LGR5: variants seen among roughly 807,000 people sequenced by gnomAD.
LGR5 encodes leucine-rich repeat-containing G protein-coupled receptor 5.
LGR5 carries 54 observed loss-of-function variants against 76.7 expected under a neutral mutation model. The ratio of observed to expected loss-of-function variants is 0.70; its 90% CI spans 0.57 to 0.88. The LOEUF is 0.88. Ranked by LOEUF, LGR5 falls within the 40% of genes least tolerant of loss-of-function variation. LGR5 has a pLI of 0.00. For missense variants in LGR5, 1,078 were observed against 1,073.3 expected (o/e 1.00, Z -0.06); for synonymous variants, 406 against 421.9 (o/e 0.96, Z 0.46).
intron 2 of LGR5, among the ~76,000 whole-genome samples, chr12:71,505,189 G>A (rs897964049): frequency 6.6e-6 from 1 of 151,992 alleles, no homozygotes; most frequent in Admixed American, 6.6e-5. Flanking sequence ...CTTCCCTCAA[G>A]GCTTCAGTAG....
At chr12:71,521,749 G>A (rs1875737729) in intron 2 of LGR5, among the ~76,000 whole-genome samples, 1 of 152,160 alleles carries the variant, frequency 6.6e-6, no homozygotes, top group Admixed American at 6.5e-5. Flanking sequence ...GATTAGTCAG[G>A]CACTACTGGG....
At chr12:71,473,333 TA>T (rs34421914) in intron 1 of LGR5, among the ~76,000 whole-genome samples, 3,740 of 152,210 alleles carry the variant, frequency 0.025, 61 homozygotes, top group Non-Finnish European at 0.039. Flanking sequence ...TTTCAACACT[TA>T]AAAAAATATT....
At chr12:71,508,930 T>A (rs2137312192) in intron 2 of LGR5, among the ~76,000 whole-genome samples, 1 of 152,214 alleles carries the variant, frequency 6.6e-6, no homozygotes, top group East Asian at 1.9e-4. Flanking sequence ...TGTTTTTTAT[T>A]TGTTTAGTTT....
rs1878494627 is a variant in LGR5, at chr12:71,569,323, C to G, written c.1071-2191C>G. Among the ~76,000 whole-genome samples the G allele has an allele frequency of 3.9e-5, 6 of 152,162 alleles. No homozygotes were observed. In the South Asian group the frequency reaches 1.2e-3, roughly 32 times the overall value. ...AATTGACAAATGGGATCTAATTAAA[C>G]TAAAGAGCTTCTGCACAGCAAATGA... On this transcript the variant is annotated intron_variant, in intron 11 of 17. Transcript: ENST00000266674.
At chr12:71,566,192 T>G (rs1878332389) in intron 8 of LGR5, among the ~76,000 whole-genome samples, 1 of 152,192 alleles carries the variant, frequency 6.6e-6, no homozygotes, top group African/African-American at 2.4e-5. Flanking sequence ...AAATCTTCAA[T>G]TTTATATAGT....
intron 1 of LGR5, among the ~76,000 whole-genome samples, chr12:71,459,682 G>A (rs1872615205): frequency 1.3e-5 from 2 of 152,058 alleles, no homozygotes; most frequent in Non-Finnish European, 2.9e-5. Context: ...GAGGAAGACA[G>A]GCAAGAAAAC....
intron 13 of LGR5, 55 bp downstream of exon 13, chr12:71,572,976 G>C: frequency 7.7e-7 from 1 of 1,301,848 alleles, no homozygotes; most frequent in South Asian, 1.2e-5. Context: ...TTTCTCTTTG[G>C]GGCCTTCCCC....
At chr12:71,449,920 A>G (rs1046380379) in intron 1 of LGR5, among the ~76,000 whole-genome samples, 1 of 152,236 alleles carries the variant, frequency 6.6e-6, no homozygotes, top group Admixed American at 6.5e-5. Flanking sequence ...CGTGATTGCT[A>G]GAGCATTACC....
At chr12:71,541,615 T>C (rs1356767283) in intron 4 of LGR5, among the ~76,000 whole-genome samples, 2 of 152,182 alleles carry the variant, frequency 1.3e-5, no homozygotes, top group Non-Finnish European at 2.9e-5. Flanking sequence ...GAATGTGGAA[T>C]TGAATGCACT....
chr12:71,534,330 T>C (rs1324786856), intron 3 of LGR5, among the ~76,000 whole-genome samples: 1 of 152,198 alleles, frequency 6.6e-6, no homozygotes. Flanking sequence ...GTAGTCCCCA[T>C]ATTATGAAAA....
intron 1 of LGR5, among the ~76,000 whole-genome samples, chr12:71,472,408 A>G (rs1873141359): frequency 6.6e-6 from 1 of 152,192 alleles, no homozygotes; most frequent in African/African-American, 2.4e-5. Flanking sequence ...ATGGCAGAAC[A>G]GAAGCCGTCT....
chr12:71,457,380 A>C (rs1565656537), intron 1 of LGR5, among the ~76,000 whole-genome samples: 1 of 152,176 alleles, frequency 6.6e-6, no homozygotes, highest in Admixed American at 6.5e-5. Flanking sequence ...TTTGATCAGG[A>C]AGATAAACTA....
chr12:71,552,990 T>A (rs1280778943), intron 4 of LGR5, 83 bp from the exon 5 acceptor site: 1 of 1,257,842 alleles, frequency 8.0e-7, no homozygotes, highest in Non-Finnish European at 1.1e-6. Flanking sequence ...TTGTTCATCA[T>A]GCATGGGGAG....
intron 1 of LGR5, among the ~76,000 whole-genome samples, chr12:71,468,934 A>G (rs1374752273): frequency 6.6e-6 from 1 of 152,172 alleles, no homozygotes; most frequent in Non-Finnish European, 1.5e-5. Flanking sequence ...TTACCTTTGT[A>G]TTAATATAAG....
At chr12:71,517,655 G>A (rs1031084599) in intron 2 of LGR5, among the ~76,000 whole-genome samples, 3 of 152,182 alleles carry the variant, frequency 2.0e-5, no homozygotes, top group African/African-American at 2.4e-5. Flanking sequence ...ACTGTGACCA[G>A]TATAGTTAGG....
chr12:71,547,258 T>C (rs995065782), intron 4 of LGR5, among the ~76,000 whole-genome samples: 5 of 152,232 alleles, frequency 3.3e-5, no homozygotes, highest in African/African-American at 1.2e-4. Flanking sequence ...ACAGAAGATG[T>C]GCATCCTCTT....
chr12:71,477,320 G>C (rs1021522985), intron 1 of LGR5, among the ~76,000 whole-genome samples: 32 of 152,058 alleles, frequency 2.1e-4, no homozygotes, highest in African/African-American at 7.0e-4. Flanking sequence ...GGTGCAAATG[G>C]ATGCCTCTGG....
intron 1 of LGR5, among the ~76,000 whole-genome samples, chr12:71,472,458 C>G (rs1873142865): frequency 6.6e-6 from 1 of 152,148 alleles, no homozygotes; most frequent in Non-Finnish European, 1.5e-5. Flanking sequence ...ACCAGGCTCT[C>G]CCCGGAGCAA....
intron 2 of LGR5, among the ~76,000 whole-genome samples, chr12:71,523,695 G>T (rs920888506): frequency 1.3e-5 from 2 of 152,068 alleles, no homozygotes; most frequent in Non-Finnish European, 2.9e-5. Flanking sequence ...ACCACATCTT[G>T]TTGGTCTTTT....
Sources: allele counts gnomAD v4.1 joint callset (sites outside exome capture counted in the v4.1 genomes callset), GRCh38; gene constraint gnomAD v4.1.1; transcripts MANE v1.5; gene names NCBI Gene and HGNC (gene_info 2026-07-23, HGNC 2026-07-21).